RIPK2: variants seen among roughly 807,000 people sequenced by gnomAD.
RIPK2 encodes the protein receptor interacting serine/threonine kinase 2.
In RIPK2, 38 loss-of-function variants were observed where a neutral mutation model predicts 60.9. The ratio of observed to expected loss-of-function variants is 0.62; its 90% CI spans 0.48 to 0.82. The LOEUF (loss-of-function observed/expected upper bound fraction) is 0.82, where lower values mean the gene tolerates loss of function less well. Among genes scored for constraint, RIPK2 ranks in the 40% least tolerant of loss-of-function variants. The probability of loss-of-function intolerance (pLI) is 0.00; values close to 1 mark genes in which losing one functional copy is unlikely to be tolerated. For synonymous variants in RIPK2, 225 were observed against 223.4 expected, an observed-to-expected ratio of 1.01 and a Z score of -0.06; for missense variants, 518 against 647.0, an observed-to-expected ratio of 0.80 and a Z score of 2.16.
At chr8:89,765,601 T>C (rs763653954) in intron 3 of RIPK2, 105 bp downstream of exon 3, 33 of 646,172 alleles carry the variant, frequency 5.1e-5, no homozygotes, top group East Asian at 8.5e-5. Context: ...TCCTTAGAGA[T>C]AGAGACTAAT....
At chr8:89,775,640 C>T (rs1809385254) in intron 6 of RIPK2, among the ~76,000 whole-genome samples, 1 of 152,092 alleles carries the variant, frequency 6.6e-6, no homozygotes, top group Admixed American at 6.5e-5. Flanking sequence ...ATACTGTTTA[C>T]ATTTGTATGA....
chr8:89,790,675 A>G lies in RIPK2; in HGVS notation c.*259A>G, dbSNP rs201188382. ...TAAAGGATAGTAATTATTCTTGTTT[A>G]TAACAGTGCCTTAAGGTATGATGTA... is the stretch of plus-strand genomic sequence containing the variant. On this transcript the variant is annotated 3_prime_UTR_variant, in exon 11 of 11. Coordinates refer to ENST00000220751, the MANE Select transcript of RIPK2 (RefSeq NM_003821.6). 1.5e-5 allele frequency: 5 copies of G among 334,618 alleles called. No homozygotes were observed. The allele number at this position is 334,618 out of a possible 1,614,324, so 20.7% of individuals were successfully genotyped here.
At chr8:89,789,561 T>C in intron 10 of RIPK2, 79 bp downstream of exon 10, 1 of 1,361,074 alleles carries the variant, frequency 7.3e-7, no homozygotes, top group Non-Finnish European at 1.0e-6. Flanking sequence ...TACCATACAA[T>C]GAGGTTTGTC....
At chr8:89,777,994 C>T (rs766644272) in intron 6 of RIPK2, among the ~76,000 whole-genome samples, 1 of 151,840 alleles carries the variant, frequency 6.6e-6, no homozygotes, top group Non-Finnish European at 1.5e-5. Context: ...CTCTAGATAC[C>T]AGAGTAAGCA....
rs754723982 is a variant in RIPK2, at chr8:89,789,357, A to T, written c.1160A>T (p.His387Leu). 1.1e-5 allele frequency: 18 copies of T among 1,614,086 alleles called. No homozygotes were observed. The highest frequency in any genetic ancestry group is 1.5e-5 in the Non-Finnish European group (18 of 1,179,964). Residue 387 changes from histidine to leucine, a missense_variant, in exon 10 of 11, where the codon CAC (histidine) becomes CTC (leucine). By Grantham distance (99) the His-to-Leu change is moderately conservative (BLOSUM62 -3). Coordinates refer to ENST00000220751, the MANE Select transcript of RIPK2 (RefSeq NM_003821.6). ...AQDCYFMKLH[H>L]CPGNHSWDST... ...GACTGTTATTTTATGAAGCTGCATC[A>T]CTGTCCTGGAAATCACAGTTGGGAT... is the stretch of plus-strand genomic sequence containing the variant.
At chr8:89,783,957 C>A in intron 7 of RIPK2, 93 bp from the exon 8 acceptor site, 1 of 634,740 alleles carries the variant, frequency 1.6e-6, no homozygotes. Flanking sequence ...GTATTTTGTA[C>A]AAACATATAA....
intron 1 of RIPK2, 114 bp downstream of exon 1, chr8:89,758,347 C>G (rs369070510): frequency 3.7e-6 from 4 of 1,078,506 alleles, no homozygotes; most frequent in Non-Finnish European, 5.2e-6. Context: ...GCCGGCCTCA[C>G]CTCGTCACCT....
intron 10 of RIPK2, 26 bp downstream of exon 10, chr8:89,789,508 G>T: frequency 6.2e-7 from 1 of 1,601,598 alleles, no homozygotes; most frequent in Non-Finnish European, 8.5e-7. Context: ...GAAACACCTT[G>T]TAAGTGATGC....
rs772179452 is a variant in RIPK2 at position 89,762,979 on chromosome 8, T to C, written c.324T>C (p.His108=). 2.0e-6 allele frequency: 3 copies of C among 1,471,104 alleles called. No homozygotes were observed. Among genetic ancestry groups the C allele is most frequent in the East Asian group, 2.4e-5 (1 of 41,506 alleles). The allele number at this position is 1,471,104 out of a possible 1,614,324, so 91.1% of individuals were successfully genotyped here. The stretch of plus-strand genomic sequence containing the variant: ...ATGGATCATTAAATGAACTCCTACA[T>C]AGGGTAAGTATTACACAGTTTTAGT... The part of the protein sequence containing the change: ...MPNGSLNELL[H]RKTEYPDVAW... Residue 108 remains histidine, a synonymous_variant, in exon 2 of 11, where the codon CAT becomes CAC. Transcript: ENST00000220751.
Position 89,758,130 on chromosome 8 carries a change from C to T in RIPK2, c.70C>T (p.Leu24=). The T allele has an allele frequency of 6.2e-7, 1 of 1,602,184 alleles. No homozygotes were observed. The highest frequency in any genetic ancestry group is 1.1e-5 in the South Asian group (1 of 89,250). Residue 24 remains leucine, a synonymous_variant, in exon 1 of 11, where the codon CTG becomes TTG. Transcript: ENST00000220751. ...PYHKLADLRY[L]SRGASGTVSS... ...CCACAAACTCGCCGACCTGCGCTAC[C>T]TGAGCCGCGGCGCCTCTGGCACTGT...
intron 7 of RIPK2, among the ~76,000 whole-genome samples, chr8:89,781,354 A>ATTTTTTTTTTTTCTTTTTT: frequency 6.9e-6 from 1 of 144,044 alleles, no homozygotes; most frequent in East Asian, 2.1e-4. Flanking sequence ...AATAGATTGA[A>ATTTTTTTTTTTTCTTTTTT]TTTTTTTTTT....
intron 8 of RIPK2, among the ~76,000 whole-genome samples, chr8:89,785,213 G>T (rs1261732135): frequency 1.3e-5 from 2 of 152,190 alleles, no homozygotes; most frequent in Non-Finnish European, 2.9e-5. Context: ...GATGGCTCAA[G>T]TCTGTGATCC....
intron 6 of RIPK2, among the ~76,000 whole-genome samples, chr8:89,779,558 G>A (rs1377054321): frequency 6.6e-6 from 1 of 152,026 alleles, no homozygotes; most frequent in East Asian, 1.9e-4. Flanking sequence ...CTGACCTGGT[G>A]ATCTGTCCGC....
chr8:89,779,846 A>G (rs1809468578), intron 6 of RIPK2, among the ~76,000 whole-genome samples: 2 of 152,172 alleles, frequency 1.3e-5, no homozygotes, highest in South Asian at 4.1e-4. Flanking sequence ...TCATTTCCCC[A>G]TTGAATTGGC....
chr8:89,776,307 TCTC>T (rs1809397796), intron 6 of RIPK2, among the ~76,000 whole-genome samples: 1 of 152,168 alleles, frequency 6.6e-6, no homozygotes, highest in South Asian at 2.1e-4. Flanking sequence ...GACTTAAGTG[TCTC>T]CTCCAACAGT....
chr8:89,784,151 A>T lies in RIPK2; in HGVS notation c.1029+12A>T. On this transcript the variant is annotated intron_variant, in intron 8 of 10. Transcript: ENST00000220751. ...ATGGTCCACAAGAGGTAAAAAAAAA[A>T]AAAAAAAAAAAAAGGTTATATTAAA... is the stretch of plus-strand genomic sequence containing the variant. 1 of 1,430,828 alleles carries T rather than the reference A, an allele frequency of 7.0e-7. No homozygotes were observed. Among genetic ancestry groups the T allele is most frequent in the Non-Finnish European group, 9.5e-7 (1 of 1,049,200 alleles). 88.6% of individuals were successfully genotyped at this position (1,430,828 alleles called of 1,614,324 possible). A position where few individuals can be genotyped will look rare whatever the true frequency, so the allele number is the denominator to read the frequency against.
chr8:89,757,852 A>T lies in RIPK2; in HGVS notation c.-209A>T. The T allele has an allele frequency of 7.5e-7, 1 of 1,327,586 alleles. No homozygotes were observed. 82.2% of individuals were successfully genotyped at this position (1,327,586 alleles called of 1,614,324 possible). A position where few individuals can be genotyped will look rare whatever the true frequency, so the allele number is the denominator to read the frequency against. On this transcript the variant is annotated 5_prime_UTR_variant, in exon 1 of 11. Transcript: ENST00000220751. ...CTACGGCGTTGGCACCAGTCTCTAG[A>T]AAAGAAGTCAGCTCTGGTTCGGAGA...
At chr8:89,759,199 A>G in intron 1 of RIPK2, 1 of 423,912 alleles carries the variant, frequency 2.4e-6, no homozygotes, top group Non-Finnish European at 4.8e-6. Flanking sequence ...TGGTTTGTAC[A>G]GGTTTTAAGG....
In RIPK2 at chr8:89,784,145, A is replaced by C; in HGVS notation, c.1029+6A>C. 2.0e-6 allele frequency: 1 copy of C among 488,284 alleles called. No individual in the cohort carries two copies. Among genetic ancestry groups the C allele is most frequent in the Non-Finnish European group, 3.1e-6 (1 of 318,188 alleles). 30.2% of individuals were successfully genotyped at this position (488,284 alleles called of 1,614,324 possible). A position where few individuals can be genotyped will look rare whatever the true frequency, so the allele number is the denominator to read the frequency against. ...TAAATCATGGTCCACAAGAGGTAAAAAAAAAAAAAAAAAAAAAAAGGTTAT... is the reference window on the plus strand; with the variant it reads ...TAAATCATGGTCCACAAGAGGTAAACAAAAAAAAAAAAAAAAAAAGGTTAT... On this transcript the variant is annotated splice_donor_region_variant and intron_variant, in intron 8 of 10. Coordinates refer to ENST00000220751, the MANE Select transcript of RIPK2 (RefSeq NM_003821.6).
Sources: gnomAD v4.1 joint callset for allele counts (sites outside exome capture counted in the v4.1 genomes callset) on GRCh38, gnomAD v4.1.1 for gene constraint, MANE v1.5 for transcripts, NCBI Gene and HGNC (gene_info 2026-07-23, HGNC 2026-07-21) for gene names.